PPM1E: variants seen among roughly 807,000 people sequenced by gnomAD.
The protein encoded by PPM1E is protein phosphatase 1E.
A neutral mutation model predicts 65.9 loss-of-function variants in PPM1E; 20 were observed. That is an observed-to-expected ratio of 0.30 (90% CI 0.21 to 0.44). The LOEUF is 0.44. Among genes scored for constraint, PPM1E ranks in the 20% least tolerant of loss-of-function variants. The probability of loss-of-function intolerance (pLI) is 1.00; values close to 1 mark genes in which losing one functional copy is unlikely to be tolerated. For missense variants in PPM1E, 713 were observed against 953.1 expected (o/e 0.75, Z 3.32); for synonymous variants, 352 against 374.9 (o/e 0.94, Z 0.70).
At chr17:58,924,207 A>T (rs1366617730) in intron 1 of PPM1E, among the ~76,000 whole-genome samples, 1 of 149,724 alleles carries the variant, frequency 6.7e-6, no homozygotes, top group East Asian at 2.0e-4. Flanking sequence ...GGTGTGAGCC[A>T]CTGTGCCTGG....
chr17:58,976,693 T>C (rs1051154519), intron 6 of PPM1E, among the ~76,000 whole-genome samples: 6 of 152,130 alleles, frequency 3.9e-5, no homozygotes, highest in Non-Finnish European at 8.8e-5. Flanking sequence ...CTACCAAATT[T>C]GGGGGCGAAA....
intron 1 of PPM1E, among the ~76,000 whole-genome samples, chr17:58,865,884 A>G (rs2050997728): frequency 6.6e-6 from 1 of 152,218 alleles, no homozygotes; most frequent in Non-Finnish European, 1.5e-5. Context: ...TAGGCACAGA[A>G]TTTAGATCTA....
chr17:58,802,986 T>A lies in PPM1E; in HGVS notation c.464+46525T>A, dbSNP rs557024140. On this transcript the variant is annotated intron_variant, in intron 1 of 6. Coordinates refer to ENST00000308249, the MANE Select transcript of PPM1E (RefSeq NM_014906.5). ...CATGCCATCTGCAAACAGAGTCAAT[T>A]TTACTTCCTCTTTTCTCATCTGGAT... 2.0e-5 allele frequency among the ~76,000 whole-genome samples: 3 copies of A among 152,280 alleles called. No individual in the cohort carries two copies. The East Asian group carries it at 5.8e-4, about 29-fold the overall frequency.
chr17:58,802,981 T>G (rs2050272970), intron 1 of PPM1E, among the ~76,000 whole-genome samples: 1 of 151,976 alleles, frequency 6.6e-6, no homozygotes, highest in Non-Finnish European at 1.5e-5. Context: ...GCAAACAGAG[T>G]CAATTTTACT....
intron 4 of PPM1E, among the ~76,000 whole-genome samples, chr17:58,971,254 T>G (rs956076057): frequency 3.3e-5 from 5 of 152,108 alleles, no homozygotes; most frequent in African/African-American, 1.2e-4. Flanking sequence ...AGACATTTTA[T>G]TGGTGGGTGA....
At chr17:58,968,620 C>G (rs140914809) in intron 3 of PPM1E, among the ~76,000 whole-genome samples, 45 of 152,254 alleles carry the variant, frequency 3.0e-4, no homozygotes, top group African/African-American at 1.0e-3. Context: ...AAAAGACTTG[C>G]AAATGAAAAT....
intron 1 of PPM1E, among the ~76,000 whole-genome samples, chr17:58,806,213 A>C (rs1479613027): frequency 2.0e-5 from 3 of 151,916 alleles, no homozygotes; most frequent in Non-Finnish European, 4.4e-5. Context: ...TATAGCAGCA[A>C]ACCTAGGTCT....
chr17:58,787,720 A>AC (rs1484867929), intron 1 of PPM1E, among the ~76,000 whole-genome samples: 1 of 151,962 alleles, frequency 6.6e-6, no homozygotes, highest in Non-Finnish European at 1.5e-5. Context: ...ATCCTGGCTA[A>AC]CAGGGTGAAA....
At chr17:58,832,108 C>T (rs1186985780) in intron 1 of PPM1E, among the ~76,000 whole-genome samples, 1 of 152,104 alleles carries the variant, frequency 6.6e-6, no homozygotes, top group Non-Finnish European at 1.5e-5. Context: ...TGTTGTCTTC[C>T]ACTTGGTAAC....
intron 1 of PPM1E, among the ~76,000 whole-genome samples, chr17:58,807,510 C>T (rs556251927): frequency 1.6e-4 from 24 of 152,060 alleles, no homozygotes; most frequent in African/African-American, 4.3e-4. Context: ...ATAACGGTGG[C>T]GGTTGTGCAA....
chr17:58,890,670 T>G, intron 1 of PPM1E, among the ~76,000 whole-genome samples: 1 of 152,170 alleles, frequency 6.6e-6, no homozygotes, highest in Non-Finnish European at 1.5e-5. Flanking sequence ...CATGAATGTT[T>G]TTTCATTCCT....
chr17:58,830,876 G>A (rs8080263), intron 1 of PPM1E, among the ~76,000 whole-genome samples: 50,293 of 151,524 alleles, frequency 0.33, 8,861 homozygotes, highest in East Asian at 0.49. Context: ...GTAGAGGCAG[G>A]GTTTCACCAT....
intron 1 of PPM1E, among the ~76,000 whole-genome samples, chr17:58,821,038 GTGATTA>G (rs1255806683): frequency 9.9e-5 from 15 of 151,956 alleles, no homozygotes; most frequent in African/African-American, 3.6e-4. Flanking sequence ...GTTCACATAA[GTGATTA>G]TTATTATATA....
intron 1 of PPM1E, among the ~76,000 whole-genome samples, chr17:58,778,695 T>C (rs1433135014): frequency 6.6e-6 from 1 of 151,610 alleles, no homozygotes; most frequent in African/African-American, 2.4e-5. Context: ...ACTCTGATTC[T>C]CAGGCTGAGA....
chr17:58,875,662 A>C (rs1419485154), intron 1 of PPM1E, among the ~76,000 whole-genome samples: 1 of 152,186 alleles, frequency 6.6e-6, no homozygotes, highest in African/African-American at 2.4e-5. Flanking sequence ...AATCCTATGC[A>C]TCTTGTTTTA....
chr17:58,926,843 A>C (rs1328901701), intron 1 of PPM1E, among the ~76,000 whole-genome samples: 4 of 152,144 alleles, frequency 2.6e-5, no homozygotes, highest in Non-Finnish European at 4.4e-5. Flanking sequence ...AAAGCAACCT[A>C]ATTTTTCTAA....
In PPM1E at chr17:58,756,201, G is replaced by T. The variant is rs758871056; in HGVS notation, c.204G>T (p.Glu68Asp). The T allele has an allele frequency of 1.3e-6, 2 of 1,559,726 alleles. No individual in the cohort carries two copies. Among genetic ancestry groups the T allele is most frequent in the South Asian group, 2.4e-5 (2 of 84,978 alleles). The change falls in exon 1 of 7, where the codon GAG becomes GAT. Residue 68 changes from glutamate (E) to aspartate (D), a missense_variant. Physicochemically the swap from Glu to Asp is conservative, Grantham distance 45 (BLOSUM62 2). Transcript: ENST00000308249. ...AGGCTTCGGTAGAGGAACCCGGGGA[G>T]GAGGCGGCCACGGTAGCCGCGACGG... is the stretch of plus-strand genomic sequence containing the variant. ...AAEASVEEPG[E>D]EAATVAATEE...
intron 1 of PPM1E, among the ~76,000 whole-genome samples, chr17:58,805,535 C>G (rs1365098820): frequency 6.6e-6 from 1 of 152,192 alleles, no homozygotes; most frequent in African/African-American, 2.4e-5. Context: ...CAGGCGTGAG[C>G]CACCGTGCCC....
chr17:58,955,321 C>T (rs1180421191), intron 1 of PPM1E, among the ~76,000 whole-genome samples: 2 of 152,130 alleles, frequency 1.3e-5, no homozygotes, highest in African/African-American at 4.8e-5. Context: ...GCCCAAATCA[C>T]GCCATTGCAC....
Sources: allele counts gnomAD v4.1 joint callset (sites outside exome capture counted in the v4.1 genomes callset), GRCh38; gene constraint gnomAD v4.1.1; transcripts MANE v1.5; gene names NCBI Gene and HGNC (gene_info 2026-07-23, HGNC 2026-07-21).